Variants in CHD1L observed in about 807,000 individuals in gnomAD.
The protein encoded by CHD1L is chromodomain helicase DNA binding protein 1 like, also known as ATP-dependent chromatin remodeler CHD1L.
In CHD1L, 118 loss-of-function variants were observed where a neutral mutation model predicts 115.9. The ratio of observed to expected loss-of-function variants is 1.02; its 90% confidence interval spans 0.88 to 1.19. CHD1L has a LOEUF of 1.19. Ranked by LOEUF, CHD1L falls within the 50% of genes most tolerant of loss-of-function variation. The probability of loss-of-function intolerance (pLI) is 0.00; values close to 1 mark genes in which losing one functional copy is unlikely to be tolerated. For missense variants in CHD1L, 1,179 were observed against 1,065.3 expected (o/e 1.11, Z -1.49); for synonymous variants, 411 against 387.1 (o/e 1.06, Z -0.72).
chr1:147,220,530 C>A, the CHD1L span, among the ~76,000 whole-genome samples: 1 of 152,160 alleles, frequency 6.6e-6, no homozygotes, highest in Non-Finnish European at 1.5e-5. Flanking sequence ...TGACTTTGTT[C>A]CAAAGAGTAT....
At chr1:147,225,152 C>A in the CHD1L span, 4 of 1,555,286 alleles carry the variant, frequency 2.6e-6, no homozygotes, top group East Asian at 4.5e-5. Flanking sequence ...CGAATAAATT[C>A]TGTACAAGAG....
intron 15 of CHD1L, among the ~76,000 whole-genome samples, chr1:147,282,707 C>T (rs1178059520): frequency 1.3e-5 from 2 of 152,170 alleles, no homozygotes; most frequent in Non-Finnish European, 1.5e-5. Context: ...ACACTCAGTT[C>T]TGTACTGATC....
the CHD1L span, chr1:147,173,251 A>G: frequency 6.4e-6 from 1 of 156,442 alleles, no homozygotes; most frequent in African/African-American, 2.4e-5. Context: ...CGGTGAGCCG[A>G]GATCGCGCCA....
the CHD1L span, chr1:147,175,131 A>T: frequency 6.6e-6 from 1 of 152,208 alleles, no homozygotes; most frequent in South Asian, 2.1e-4. Flanking sequence ...AAGGATAGGT[A>T]TAACATCTGA....
upstream of CHD1L, among the ~76,000 whole-genome samples, chr1:147,241,234 A>G (rs187739068): frequency 5.5e-4 from 83 of 152,280 alleles, no homozygotes; most frequent in African/African-American, 2.0e-3. Flanking sequence ...TGTGACCTGC[A>G]CGTACACATC....
At chr1:147,249,924 T>C (rs1241252181) in intron 1 of CHD1L, among the ~76,000 whole-genome samples, 1 of 152,160 alleles carries the variant, frequency 6.6e-6, no homozygotes, top group Non-Finnish European at 1.5e-5. Flanking sequence ...CTCTTCTGAT[T>C]GTAATCTCTC....
the CHD1L span, chr1:147,187,025 C>A: frequency 5.0e-6 from 8 of 1,614,174 alleles, no homozygotes; most frequent in South Asian, 8.8e-5. Context: ...CTGATGCGAT[C>A]ATCTGTGGTG....
the CHD1L span, among the ~76,000 whole-genome samples, chr1:147,180,688 C>T: frequency 6.6e-6 from 1 of 152,192 alleles, no homozygotes; most frequent in African/African-American, 2.4e-5. Context: ...CACCCCTACC[C>T]ACCCAATTTT....
chr1:147,257,619 A>C (rs1278595916), intron 5 of CHD1L, among the ~76,000 whole-genome samples: 4 of 152,204 alleles, frequency 2.6e-5, no homozygotes, highest in African/African-American at 9.6e-5. Context: ...ATAGCAATAT[A>C]TGGGAAGTCT....
At chr1:147,291,637 C>A in intron 20 of CHD1L, 85 bp downstream of exon 20, 1 of 1,046,158 alleles carries the variant, frequency 9.6e-7, no homozygotes, top group Non-Finnish European at 1.5e-6. Context: ...ATTGGCCTCT[C>A]TGCTAGTGTA....
chr1:147,201,247 C>T, the CHD1L span: 3 of 1,614,150 alleles, frequency 1.9e-6, no homozygotes, highest in South Asian at 3.3e-5. Flanking sequence ...AAGAGTTGGC[C>T]TTTCCAGGTT....
At position 147,242,775 on chromosome 1, in the gene CHD1L, C is replaced by G; in HGVS notation, c.72C>G (p.Gly24=). Residue 24 remains glycine (G), a synonymous_variant, in exon 1 of 23, where the codon GGC becomes GGG. Transcript: ENST00000369258. Reference sequence around the variant, plus strand: ...TCTTACTGCGGCTTCATACTGAGGGCCGAGCCGAGGCGGCGCGGGTGCAGG... The same window carrying G: ...TCTTACTGCGGCTTCATACTGAGGGGCGAGCCGAGGCGGCGCGGGTGCAGG... The part of the protein sequence containing the change: ...PGFLLRLHTE[G]RAEAARVQEQ... 1 of 1,270,218 alleles carries G rather than the reference C, an allele frequency of 7.9e-7. No homozygotes were observed. The highest frequency in any genetic ancestry group is 1.0e-6 in the Non-Finnish European group (1 of 1,000,828). The allele number at this position is 1,270,218 out of a possible 1,614,324, so 78.7% of individuals were successfully genotyped here.
Position 147,252,637 on chromosome 1 carries a change from T to A in CHD1L, c.142T>A (p.Ser48Thr). The A allele has an allele frequency of 1.2e-6, 2 of 1,613,950 alleles. No homozygotes were observed. ...QWGLTGIHLR[S>T]YQLEGVNWLA... ...TTTGTTTCTAGGGATTCACCTACGC[T>A]CTTACCAGCTGGAGGGAGTAAACTG... Residue 48 changes from serine (S) to threonine (T), a missense_variant, in exon 2 of 23, where the codon TCT becomes ACT. Transcript: ENST00000369258.
At chr1:147,287,774 GAGAGA>G in intron 19 of CHD1L, 41 bp downstream of exon 19, 2 of 1,529,012 alleles carry the variant, frequency 1.3e-6, no homozygotes, top group Non-Finnish European at 9.0e-7. Context: ...GGTGGAATAA[GAGAGA>G]AGAGGACACC....
At chr1:147,185,837 G>A in the CHD1L span, among the ~76,000 whole-genome samples, 1 of 152,170 alleles carries the variant, frequency 6.6e-6, no homozygotes, top group African/African-American at 2.4e-5. Flanking sequence ...AATCATCAGT[G>A]GCACTGGGAT....
At position 147,275,459 on chromosome 1, in the gene CHD1L, G is replaced by T; in HGVS notation, c.1376G>T (p.Gly459Val). ...LQAAARAHRIGQNKSVKVIRL... is the reference protein window; with the variant it reads ...LQAAARAHRIVQNKSVKVIRL... ...GCAGCTGCCAGGGCTCATCGCATTGGCCAAAACAAGTAAGTGATTTTTTTC... is the reference window on the plus strand; with the variant it reads ...GCAGCTGCCAGGGCTCATCGCATTGTCCAAAACAAGTAAGTGATTTTTTTC... Residue 459 changes from glycine to valine, a missense_variant, in exon 13 of 23, where the codon GGC becomes GTC. Gly to Val is a moderately radical substitution (Grantham distance 109). Coordinates refer to ENST00000369258, the MANE Select transcript of CHD1L (RefSeq NM_004284.6). 1.9e-6 allele frequency: 3 copies of T among 1,613,296 alleles called. No individual in the cohort carries two copies. The highest frequency in any genetic ancestry group is 2.5e-6 in the Non-Finnish European group (3 of 1,179,318).
chr1:147,179,503 C>A, the CHD1L span: 3 of 1,578,376 alleles, frequency 1.9e-6, no homozygotes, highest in Non-Finnish European at 2.6e-6. Context: ...AAGCTAAATC[C>A]AAAGAAATAT....
chr1:147,214,274 A>G, the CHD1L span, among the ~76,000 whole-genome samples: 4 of 152,052 alleles, frequency 2.6e-5, no homozygotes, highest in Non-Finnish European at 4.4e-5. Flanking sequence ...CAACATGGCG[A>G]AACCCCGTCT....
chr1:147,255,523 G>A lies in CHD1L; in HGVS notation c.348-290G>A, dbSNP rs6696488. On this transcript the variant is annotated intron_variant, in intron 3 of 22. Coordinates refer to ENST00000369258, the MANE Select transcript of CHD1L (RefSeq NM_004284.6). ...ATTACAGGTGTGAGCCACCGCGCCCGGCCTATTTTTCATAGTGACGTAGGA... is the reference window on the plus strand; with the variant it reads ...ATTACAGGTGTGAGCCACCGCGCCCAGCCTATTTTTCATAGTGACGTAGGA... Among the ~76,000 whole-genome samples the A allele has an allele frequency of 0.046, 6,927 of 152,132 alleles. 372 individuals are homozygous for A. The highest frequency in any genetic ancestry group is 0.17 in the East Asian group (876 of 5,164).
Sources: gnomAD v4.1 joint callset for allele counts (sites outside exome capture counted in the v4.1 genomes callset) on GRCh38, gnomAD v4.1.1 for gene constraint, MANE v1.5 for transcripts, NCBI Gene and HGNC (gene_info 2026-07-23, HGNC 2026-07-21) for gene names.